Variants in KYAT1 observed in about 807,000 individuals in gnomAD.
KYAT1 encodes kynurenine--oxoglutarate transaminase 1.
A neutral mutation model predicts 52.4 loss-of-function variants in KYAT1; 47 were observed. The observed-to-expected ratio is 0.90, with a 90% CI of 0.71 to 1.14. The LOEUF (loss-of-function observed/expected upper bound fraction) is 1.14. KYAT1 is among the 50% of genes most tolerant of loss of function. The probability of loss-of-function intolerance (pLI) is 0.00; values close to 1 mark genes in which losing one functional copy is unlikely to be tolerated. For synonymous variants in KYAT1, 212 were observed against 209.6 expected (o/e 1.01, Z -0.10); for missense variants, 480 against 557.9 (o/e 0.86, Z 1.41).
intron 1 of KYAT1, among the ~76,000 whole-genome samples, chr9:128,870,373 C>A (rs763635939): frequency 1.3e-4 from 20 of 152,126 alleles, no homozygotes; most frequent in African/African-American, 3.4e-4. Context: ...GAGGCCAGGG[C>A]GACATGGCTG....
At chr9:128,846,850 C>A in intron 1 of KYAT1, 1 of 1,535,290 alleles carries the variant, frequency 6.5e-7, no homozygotes, top group South Asian at 1.2e-5. Context: ...ACATTCTTCT[C>A]AGCCACCTGC....
chr9:128,856,120 T>C (rs1255916959), intron 1 of KYAT1, among the ~76,000 whole-genome samples: 6 of 152,224 alleles, frequency 3.9e-5, no homozygotes, highest in African/African-American at 9.7e-5. Flanking sequence ...CACTGGGACA[T>C]GGTTAGACGC....
At chr9:128,840,725 T>TA in intron 3 of KYAT1, 1 of 420,262 alleles carries the variant, frequency 2.4e-6, no homozygotes, top group Non-Finnish European at 4.7e-6. Context: ...ATTATTTACT[T>TA]AGTTGTTTGT....
chr9:128,874,523 C>T (rs534980105), intron 1 of KYAT1, among the ~76,000 whole-genome samples: 335 of 150,416 alleles, frequency 2.2e-3, no homozygotes, highest in African/African-American at 8.1e-3. Flanking sequence ...GTTGCTTAGG[C>T]TGATGTTGAA....
At position 128,842,661 on chromosome 9, in the gene KYAT1, T is replaced by C; in HGVS notation, c.194A>G (p.Lys65Arg). ...SGDFMLNQYT[K>R]TFGYPPLTKI... ...AGAGATGGGGAGACTCACAAATGTC[T>C]TGGTGTACTGGTTAAGCATGAAGTC... is the stretch of plus-strand genomic sequence containing the variant. The change falls in exon 3 of 13, where the codon AAG becomes AGG. Residue 65 changes from lysine (K) to arginine (R), a missense_variant. Physicochemically the swap from Lys to Arg is conservative, Grantham distance 26. Transcript: ENST00000302586. The C allele has an allele frequency of 6.2e-7, 1 of 1,613,906 alleles. No individual in the cohort carries two copies.
intron 1 of KYAT1, among the ~76,000 whole-genome samples, chr9:128,861,131 T>C (rs1049496034): frequency 6.6e-6 from 1 of 152,314 alleles, no homozygotes. Context: ...CGCAATACAA[T>C]GAAGTGTGGC....
intron 1 of KYAT1, among the ~76,000 whole-genome samples, chr9:128,858,583 A>G (rs1407630187): frequency 6.6e-6 from 1 of 151,306 alleles, no homozygotes; most frequent in African/African-American, 2.4e-5. Context: ...CTGTAATCCC[A>G]GCTACTTGGA....
Position 128,835,868 on chromosome 9 carries a change from C to T in KYAT1, c.766G>A (p.Val256Met). The T allele has an allele frequency of 1.2e-6, 2 of 1,614,154 alleles. No homozygotes were observed. The highest frequency in any genetic ancestry group is 1.7e-6 in the Non-Finnish European group (2 of 1,179,998). ...GKTFSATGWK[V>M]GWVLGPDHIM... ...TGATCTGGACCCAGGACCCAGCCCA[C>T]CTGCAGCAGGGGCGCAGGTAGGGGG... The change falls in exon 9 of 13, where the codon GTG becomes ATG. Residue 256 changes from valine to methionine, a missense_variant and splice_region_variant. Coordinates refer to ENST00000302586, the MANE Select transcript of KYAT1 (RefSeq NM_004059.5).
chr9:128,837,998 C>G, intron 5 of KYAT1, 53 bp downstream of exon 5: 1 of 1,582,962 alleles, frequency 6.3e-7, no homozygotes, highest in Non-Finnish European at 8.7e-7. Context: ...GGGTCCAACT[C>G]AGCCCACGCC....
intron 1 of KYAT1, among the ~76,000 whole-genome samples, chr9:128,880,464 C>T (rs888473862): frequency 6.7e-6 from 1 of 150,262 alleles, no homozygotes; most frequent in African/African-American, 2.5e-5. Flanking sequence ...TTTTTTTAGA[C>T]GGAGTCTTGC....
intron 1 of KYAT1, among the ~76,000 whole-genome samples, chr9:128,878,366 C>T (rs904653679): frequency 5.9e-5 from 9 of 152,106 alleles, no homozygotes; most frequent in African/African-American, 2.2e-4. Flanking sequence ...AACTCCTGAG[C>T]TCAAGCGATA....
chr9:128,841,561 G>A (rs1212458574), intron 3 of KYAT1, among the ~76,000 whole-genome samples: 1 of 151,136 alleles, frequency 6.6e-6, no homozygotes, highest in Non-Finnish European at 1.5e-5. Context: ...CTGGGCGTGG[G>A]GGCGCACCCC....
chr9:128,876,544 A>G (rs776341433), intron 1 of KYAT1, among the ~76,000 whole-genome samples: 2 of 150,922 alleles, frequency 1.3e-5, no homozygotes, highest in African/African-American at 4.9e-5. Flanking sequence ...CAGCCTCCCG[A>G]GTAGCTGGGA....
chr9:128,868,771 T>A (rs557211676), intron 1 of KYAT1, among the ~76,000 whole-genome samples: 10 of 149,824 alleles, frequency 6.7e-5, no homozygotes, highest in African/African-American at 2.5e-4. Flanking sequence ...TGTGGCACGA[T>A]CTTGGCTCAC....
chr9:128,870,129 G>A (rs1042704374), intron 1 of KYAT1, among the ~76,000 whole-genome samples: 7 of 152,064 alleles, frequency 4.6e-5, no homozygotes, highest in Non-Finnish European at 1.5e-5. Context: ...TCACTCCTAG[G>A]TATATACCCA....
intron 1 of KYAT1, among the ~76,000 whole-genome samples, chr9:128,847,795 G>A (rs1481707931): frequency 6.6e-6 from 1 of 152,130 alleles, no homozygotes; most frequent in Non-Finnish European, 1.5e-5. Context: ...AGCAACCCAA[G>A]TGACCCTTTC....
chr9:128,838,316 C>T lies in KYAT1; in HGVS notation c.253G>A (p.Gly85Ser). 1 of 1,614,194 alleles carries T rather than the reference C, an allele frequency of 6.2e-7. No individual in the cohort carries two copies. The highest frequency in any genetic ancestry group is 8.5e-7 in the Non-Finnish European group (1 of 1,180,036). Residue 85 changes from glycine (G) to serine (S), a missense_variant, in exon 4 of 13, where the codon GGT (glycine) becomes AGT (serine). Transcript: ENST00000302586. ...ILASFFGELL[G>S]QEIDPLRNVL... Reference sequence around the variant, plus strand: ...TTCCTGAGCGGGTCTATCTCCTGACCCAGCAGCTCCCCAAAGAAACTTGCC... The same window carrying T: ...TTCCTGAGCGGGTCTATCTCCTGACTCAGCAGCTCCCCAAAGAAACTTGCC...
At chr9:128,876,715 G>T (rs528520324) in intron 1 of KYAT1, among the ~76,000 whole-genome samples, 1 of 148,346 alleles carries the variant, frequency 6.7e-6, no homozygotes, top group Non-Finnish European at 1.5e-5. Flanking sequence ...CACGGCACCC[G>T]GCCTTTTTTT....
chr9:128,845,278 G>C lies in KYAT1; in HGVS notation c.53+75C>G. 4 of 1,199,570 alleles carry C rather than the reference G, an allele frequency of 3.3e-6. No homozygotes were observed. The East Asian group carries it at 7.0e-5, about 21-fold the overall frequency. The allele number at this position is 1,199,570 out of a possible 1,614,324, so 74.3% of individuals were successfully genotyped here. Reference sequence around the variant, plus strand: ...CCGCCACCATCTGGAGTACTACTGAGTTGCTGTAAACCCAGGGATGGCCAA... The same window carrying C: ...CCGCCACCATCTGGAGTACTACTGACTTGCTGTAAACCCAGGGATGGCCAA... On this transcript the variant is annotated intron_variant, in intron 2 of 12. Coordinates refer to ENST00000302586, the MANE Select transcript of KYAT1 (RefSeq NM_004059.5).
Sources: allele counts gnomAD v4.1 joint callset (sites outside exome capture counted in the v4.1 genomes callset), GRCh38; gene constraint gnomAD v4.1.1; transcripts MANE v1.5; gene names NCBI Gene and HGNC (gene_info 2026-07-23, HGNC 2026-07-21).